The following LAMA2 variants were observed in gnomAD, a reference collection of about 807,000 sequenced individuals.
LAMA2 encodes the protein laminin subunit alpha-2.
In LAMA2, 269 loss-of-function variants were observed where a neutral mutation model predicts 364.8. The ratio of observed to expected loss-of-function variants is 0.74; its 90% CI spans 0.67 to 0.82. LAMA2 has a LOEUF of 0.82. Ranked by LOEUF, LAMA2 falls within the 40% of genes least tolerant of loss-of-function variation. The pLI, the probability that LAMA2 is intolerant of heterozygous loss-of-function variation, is 0.00. For missense variants in LAMA2, 3,807 were observed against 3,873.2 expected, an observed-to-expected ratio of 0.98 and a Z score of 0.45; for synonymous variants, 1,379 against 1,370.6, an observed-to-expected ratio of 1.01 and a Z score of -0.14.
chr6:129,314,491 G>A (rs1222762159), intron 23 of LAMA2, among the ~76,000 whole-genome samples, 164 bp from the exon 24 acceptor site: 1 of 150,952 alleles, frequency 6.6e-6, no homozygotes, highest in East Asian at 1.9e-4. Context: ...TCCTAACAAT[G>A]AGGTTAACTA....
chr6:128,998,006 T>C (rs1393084472), intron 1 of LAMA2, among the ~76,000 whole-genome samples: 1 of 152,008 alleles, frequency 6.6e-6, no homozygotes, highest in African/African-American at 2.4e-5. Context: ...GAAAGGACCC[T>C]GAGTTATTAT....
chr6:129,511,440 G>A (rs531825808), intron 62 of LAMA2, among the ~76,000 whole-genome samples: 4 of 152,004 alleles, frequency 2.6e-5, no homozygotes, highest in Non-Finnish European at 5.9e-5. Context: ...AGGCGCAACT[G>A]GCTAGCTTTT....
intron 9 of LAMA2, among the ~76,000 whole-genome samples, chr6:129,169,960 G>A (rs1389354395): frequency 1.3e-5 from 2 of 150,770 alleles, no homozygotes; most frequent in African/African-American, 2.5e-5. Flanking sequence ...AGAGGTGTTT[G>A]TAGTATTCTC....
At chr6:128,899,845 A>G (rs1244489253) in intron 1 of LAMA2, among the ~76,000 whole-genome samples, 22 of 152,166 alleles carry the variant, frequency 1.4e-4, no homozygotes, top group Admixed American at 1.4e-3. Context: ...TAAGGAATGC[A>G]TATTTCTTGG....
intron 1 of LAMA2, among the ~76,000 whole-genome samples, chr6:128,969,530 A>C (rs1782058670): frequency 6.6e-6 from 1 of 152,082 alleles, no homozygotes; most frequent in African/African-American, 2.4e-5. Flanking sequence ...TCCCAGGCTC[A>C]AGCGATCCTC....
chr6:129,192,617 A>T (rs765702136), intron 11 of LAMA2, 63 bp from the exon 12 acceptor site: 550 of 1,496,866 alleles, frequency 3.7e-4, no homozygotes, highest in Non-Finnish European at 4.7e-4. Context: ...CAGGAACATG[A>T]AAGAGAAAAG....
chr6:129,037,145 C>A (rs1786698215), intron 1 of LAMA2, among the ~76,000 whole-genome samples: 1 of 152,292 alleles, frequency 6.6e-6, no homozygotes, highest in African/African-American at 2.4e-5. Context: ...TTGCAAACAT[C>A]TCTGCTTGCA....
intron 32 of LAMA2, among the ~76,000 whole-genome samples, chr6:129,363,583 G>A (rs1298202551): frequency 1.3e-5 from 2 of 152,210 alleles, no homozygotes; most frequent in African/African-American, 4.8e-5. Flanking sequence ...TGCCAAAACT[G>A]TTGGTCTGAT....
In LAMA2 at chr6:129,330,019, C is replaced by T. The variant is rs146151445; in HGVS notation, c.4311+1607C>T. On this transcript the variant is annotated intron_variant, in intron 29 of 64. Coordinates refer to ENST00000421865, the MANE Select transcript of LAMA2 (RefSeq NM_000426.4). Reference sequence around the variant, plus strand: ...GCACATGTGAGGGATCTAGGTTGTGCGCTCCTGAGAATCTAATGCCTGATG... The same window carrying T: ...GCACATGTGAGGGATCTAGGTTGTGTGCTCCTGAGAATCTAATGCCTGATG... 3.9e-3 allele frequency among the ~76,000 whole-genome samples: 590 copies of T among 151,628 alleles called. 4 individuals carry two copies. The highest frequency in any genetic ancestry group is 0.013 in the African/African-American group (542 of 41,314).
At chr6:129,309,963 G>C (rs543229712) in intron 22 of LAMA2, among the ~76,000 whole-genome samples, 2 of 146,540 alleles carry the variant, frequency 1.4e-5, no homozygotes, top group South Asian at 2.1e-4. Flanking sequence ...GCAGTGGCGC[G>C]ATCTCGGCTC....
At chr6:129,039,437 G>T (rs1217035956) in intron 1 of LAMA2, among the ~76,000 whole-genome samples, 2 of 152,192 alleles carry the variant, frequency 1.3e-5, no homozygotes, top group Non-Finnish European at 2.9e-5. Flanking sequence ...CAGGTAGAAA[G>T]CAGGCCTGAT....
At chr6:129,415,945 CTT>C (rs952225363) in intron 40 of LAMA2, among the ~76,000 whole-genome samples, 4 of 33,732 alleles carry the variant, frequency 1.2e-4, no homozygotes, top group Non-Finnish European at 1.1e-4. Flanking sequence ...CACTTTCTTT[CTT>C]TTTTTTTTTT....
intron 7 of LAMA2, among the ~76,000 whole-genome samples, chr6:129,153,239 C>T (rs1304668314): frequency 2.0e-5 from 3 of 152,296 alleles, no homozygotes; most frequent in Non-Finnish European, 2.9e-5. Context: ...TAAGACATTA[C>T]GCTAATGATT....
rs1340344937 is a variant in LAMA2, at chr6:129,165,189, T to G, written c.1207-387T>G. Among the ~76,000 whole-genome samples the G allele has an allele frequency of 4.6e-5, 7 of 152,002 alleles. No homozygotes were observed. The East Asian group carries it at 9.7e-4, about 21-fold the overall frequency. On this transcript the variant is annotated intron_variant, in intron 8 of 64. Coordinates refer to ENST00000421865, the MANE Select transcript of LAMA2 (RefSeq NM_000426.4). ...CATTTCTTGGGCAAATAATTTAGTTTTTTTTTTTTTTCCTATTACATCTGG... is the reference window on the plus strand; with the variant it reads ...CATTTCTTGGGCAAATAATTTAGTTGTTTTTTTTTTTCCTATTACATCTGG...
At chr6:129,469,157 G>A (rs1783687994) in intron 51 of LAMA2, among the ~76,000 whole-genome samples, 1 of 151,950 alleles carries the variant, frequency 6.6e-6, no homozygotes, top group Non-Finnish European at 1.5e-5. Flanking sequence ...TTTAAACTGT[G>A]TTGAGGAGTT....
chr6:128,962,187 C>T (rs372135119), intron 1 of LAMA2, among the ~76,000 whole-genome samples: 1,183 of 81,870 alleles, frequency 0.014, 10 homozygotes, highest in Non-Finnish European at 0.019. Context: ...TATATATATA[C>T]ACACATACAC....
intron 15 of LAMA2, among the ~76,000 whole-genome samples, chr6:129,263,225 G>A (rs1429059130): frequency 6.6e-6 from 1 of 152,162 alleles, no homozygotes; most frequent in South Asian, 2.1e-4. Flanking sequence ...AGGGAAAATA[G>A]TGCCATTAAC....
chr6:128,939,083 C>T (rs1224570702), intron 1 of LAMA2, among the ~76,000 whole-genome samples: 2 of 152,178 alleles, frequency 1.3e-5, no homozygotes, highest in African/African-American at 4.8e-5. Flanking sequence ...GGTTCTGCAA[C>T]TTTTCATTTC....
At chr6:129,324,381 A>G (rs1339691459) in intron 28 of LAMA2, among the ~76,000 whole-genome samples, 1 of 152,204 alleles carries the variant, frequency 6.6e-6, no homozygotes, top group African/African-American at 2.4e-5. Context: ...CACCAACATC[A>G]TCGACTATAA....
Sources: allele counts gnomAD v4.1 joint callset (sites outside exome capture counted in the v4.1 genomes callset), GRCh38; gene constraint gnomAD v4.1.1; transcripts MANE v1.5; gene names NCBI Gene and HGNC (gene_info 2026-07-23, HGNC 2026-07-21).